LEF1: variants seen among roughly 807,000 people sequenced by gnomAD.
LEF1 encodes the protein lymphoid enhancer-binding factor 1.
A neutral mutation model predicts 51.2 loss-of-function variants in LEF1; 14 were observed. The observed-to-expected ratio is 0.27, with a 90% confidence interval of 0.18 to 0.43. LEF1 has a LOEUF of 0.43. Among genes scored for constraint, LEF1 ranks in the 20% least tolerant of loss-of-function variants. LEF1 has a pLI of 1.00. For synonymous variants in LEF1, 185 were observed against 183.2 expected (o/e 1.01, Z -0.08); for missense variants, 386 against 512.0 (o/e 0.75, Z 2.37).
intron 3 of LEF1, among the ~76,000 whole-genome samples, chr4:108,144,865 CAAAAAAAAAAAAAA>C (rs11394687): frequency 4.8e-5 from 2 of 41,926 alleles, no homozygotes; most frequent in Admixed American, 9.6e-4. Flanking sequence ...CCCAACCAGC[CAAAAAAAAAAAAAA>C]AAAAAAAAAA....
At chr4:108,122,968 G>T (rs1355450078) in intron 3 of LEF1, among the ~76,000 whole-genome samples, 1 of 152,214 alleles carries the variant, frequency 6.6e-6, no homozygotes, top group Admixed American at 6.5e-5. Flanking sequence ...CAGATTTAAA[G>T]ATTTTTGTCT....
intron 3 of LEF1, among the ~76,000 whole-genome samples, chr4:108,127,367 C>T (rs773010066): frequency 8.5e-5 from 13 of 152,116 alleles, no homozygotes; most frequent in Non-Finnish European, 1.6e-4. Flanking sequence ...TGTGCATCTA[C>T]GGAAATGTTT....
chr4:108,136,441 A>G (rs1743270570), intron 3 of LEF1, among the ~76,000 whole-genome samples: 1 of 151,118 alleles, frequency 6.6e-6, no homozygotes, highest in African/African-American at 2.4e-5. Flanking sequence ...GCCAGTTCAA[A>G]TACTTCTCAT....
intron 3 of LEF1, among the ~76,000 whole-genome samples, chr4:108,101,632 A>G (rs1006939794): frequency 6.6e-6 from 1 of 152,202 alleles, no homozygotes; most frequent in African/African-American, 2.4e-5. Context: ...GGAGTTTGCG[A>G]CCCATGAGTA....
intron 3 of LEF1, among the ~76,000 whole-genome samples, chr4:108,101,442 T>C (rs1028780940): frequency 7.2e-5 from 11 of 152,168 alleles, no homozygotes; most frequent in African/African-American, 9.6e-5. Context: ...CTAGAGAATA[T>C]GAAAATCAGC....
intron 3 of LEF1, among the ~76,000 whole-genome samples, chr4:108,145,066 A>C (rs1283606212): frequency 1.3e-5 from 2 of 152,180 alleles, no homozygotes; most frequent in African/African-American, 4.8e-5. Context: ...CATACAAAGA[A>C]TACATAGCAT....
chr4:108,157,185 CACA>C (rs1174008360), intron 3 of LEF1, among the ~76,000 whole-genome samples: 6 of 145,112 alleles, frequency 4.1e-5, no homozygotes, highest in African/African-American at 1.3e-4. Context: ...TATATACACA[CACA>C]CACACACACA....
intron 4 of LEF1, among the ~76,000 whole-genome samples, chr4:108,087,525 G>T (rs910138011): frequency 2.0e-5 from 3 of 151,928 alleles, no homozygotes; most frequent in Non-Finnish European, 4.4e-5. Flanking sequence ...AACTATAAGC[G>T]TAACTGAGAG....
In LEF1 at chr4:108,048,749, C is replaced by CACCTCAA; in HGVS notation, c.*7-5_*8dup. On this transcript the variant is annotated splice_region_variant and 3_prime_UTR_variant, in exon 12 of 12. Transcript: ENST00000265165. ...CACGTTGGGAATGAGCTTCGTTTTC[C>CACCTCAA]ACCTCAAGAAGGAACAAATGAAATG... The CACCTCAA allele has an allele frequency of 6.2e-7, 1 of 1,601,390 alleles. No individual in the cohort carries two copies. The highest frequency in any genetic ancestry group is 8.5e-7 in the Non-Finnish European group (1 of 1,173,234).
intron 3 of LEF1, among the ~76,000 whole-genome samples, chr4:108,155,617 C>T (rs916424065): frequency 2.6e-5 from 4 of 152,342 alleles, no homozygotes; most frequent in Middle Eastern, 3.4e-3. Flanking sequence ...CTGACTTACA[C>T]CATCTTAGAC....
chr4:108,159,721 G>A (rs778434533), intron 3 of LEF1, among the ~76,000 whole-genome samples: 10 of 152,108 alleles, frequency 6.6e-5, no homozygotes, highest in Non-Finnish European at 1.3e-4. Flanking sequence ...GTTATAATAG[G>A]TATAATTCTG....
chr4:108,061,634 T>A, intron 11 of LEF1, among the ~76,000 whole-genome samples: 1 of 68,514 alleles, frequency 1.5e-5, no homozygotes, highest in East Asian at 9.5e-4. Flanking sequence ...TAAAACAATT[T>A]TTTTTTTCAA....
intron 3 of LEF1, among the ~76,000 whole-genome samples, chr4:108,155,314 T>C (rs1744621557): frequency 6.6e-6 from 1 of 152,194 alleles, no homozygotes; most frequent in South Asian, 2.1e-4. Context: ...TTCCCTTTCA[T>C]GGTGGATTAC....
At chr4:108,163,828 C>G in intron 2 of LEF1, 127 bp from the exon 3 acceptor site, 1 of 934,496 alleles carries the variant, frequency 1.1e-6, no homozygotes, top group Non-Finnish European at 1.6e-6. Flanking sequence ...TTACAAAATA[C>G]TGTAACTGGA....
At chr4:108,163,427 C>T (rs1360598745) in intron 3 of LEF1, 141 bp downstream of exon 3, 7 of 870,802 alleles carry the variant, frequency 8.0e-6, no homozygotes, top group Non-Finnish European at 1.2e-5. Context: ...GTGGCCATTC[C>T]TCATAACAGC....
At chr4:108,080,306 G>A (rs187556535) in intron 6 of LEF1, among the ~76,000 whole-genome samples, 40 of 152,200 alleles carry the variant, frequency 2.6e-4, no homozygotes, top group Admixed American at 2.6e-3. Flanking sequence ...GAAACTGCCA[G>A]GCAAGAAAAA....
intron 3 of LEF1, chr4:108,104,746 G>C: frequency 1.1e-5 from 10 of 937,910 alleles, no homozygotes; most frequent in Non-Finnish European, 1.3e-5. Flanking sequence ...TGGCAAAAGG[G>C]CTGTTATTAG....
At chr4:108,078,049 AAAAAAGAATAACAGT>A (rs1739029588) in intron 8 of LEF1, among the ~76,000 whole-genome samples, 156 bp downstream of exon 8, 1 of 152,154 alleles carries the variant, frequency 6.6e-6, no homozygotes, top group African/African-American at 2.4e-5. Context: ...CTGTCTCAAA[AAAAAAGAATAACAGT>A]AAAAACAGTT....
At chr4:108,097,309 AT>A (rs922134017) in intron 3 of LEF1, among the ~76,000 whole-genome samples, 3 of 152,196 alleles carry the variant, frequency 2.0e-5, no homozygotes, top group Non-Finnish European at 2.9e-5. Context: ...ACTGGATGAC[AT>A]TATGTTATGT....
Sources: allele counts gnomAD v4.1 joint callset (sites outside exome capture counted in the v4.1 genomes callset), GRCh38; gene constraint gnomAD v4.1.1; transcripts MANE v1.5; gene names NCBI Gene and HGNC (gene_info 2026-07-23, HGNC 2026-07-21).